Variants in PCDHA1 observed in about 807,000 individuals in gnomAD.
PCDHA1 encodes the protein protocadherin alpha-1.
In PCDHA1, 42 loss-of-function variants were observed where a neutral mutation model predicts 61.3. The ratio of observed to expected loss-of-function variants is 0.69; its 90% CI spans 0.54 to 0.89. PCDHA1 has a LOEUF of 0.89. Ranked by LOEUF, PCDHA1 falls within the 40% of genes least tolerant of loss-of-function variation. PCDHA1 has a pLI of 0.00. For missense variants in PCDHA1, 1,256 were observed against 1,235.3 expected (o/e 1.02, Z -0.25); for synonymous variants, 610 against 553.8 (o/e 1.10, Z -1.43).
intron 1 of PCDHA1, among the ~76,000 whole-genome samples, chr5:140,954,013 C>T (rs942687934): frequency 6.6e-6 from 1 of 152,172 alleles, no homozygotes; most frequent in African/African-American, 2.4e-5. Context: ...TCAGCTCCCA[C>T]ACATAGTGGG....
At chr5:140,788,781 G>A (rs1406462295) in intron 1 of PCDHA1, 97 bp downstream of exon 1, 2 of 1,434,524 alleles carry the variant, frequency 1.4e-6, no homozygotes, top group Non-Finnish European at 1.8e-6. Context: ...TCTTCAAGGT[G>A]TTCACTAACG....
intron 1 of PCDHA1, among the ~76,000 whole-genome samples, chr5:140,960,822 T>C (rs1225829114): frequency 4.6e-5 from 7 of 152,080 alleles, no homozygotes; most frequent in African/African-American, 1.7e-4. Context: ...AAGTGATGAA[T>C]GGAAACTTGG....
chr5:140,926,835 T>C (rs2083586569), intron 1 of PCDHA1: 4 of 1,505,630 alleles, frequency 2.7e-6, no homozygotes, highest in East Asian at 2.3e-5. Context: ...GTCCGGAGCA[T>C]GGTCCTGGGT....
intron 1 of PCDHA1, among the ~76,000 whole-genome samples, chr5:140,837,811 G>A (rs1775265637): frequency 1.3e-5 from 2 of 151,598 alleles, no homozygotes; most frequent in African/African-American, 2.4e-5. Flanking sequence ...GGAGTAGCTG[G>A]GAATACAGTT....
intron 1 of PCDHA1, among the ~76,000 whole-genome samples, chr5:140,793,898 C>G (rs1287541558): frequency 6.6e-6 from 1 of 152,048 alleles, no homozygotes; most frequent in Non-Finnish European, 1.5e-5. Context: ...CATTTGCAAA[C>G]AATTCAAAAA....
At chr5:140,808,136 G>A (rs868911123) in intron 1 of PCDHA1, 1 of 1,614,132 alleles carries the variant, frequency 6.2e-7, no homozygotes, top group East Asian at 2.2e-5. Flanking sequence ...CAAATCCTAT[G>A]AAATTATTGT....
At chr5:140,850,110 G>T in intron 1 of PCDHA1, 1 of 1,596,146 alleles carries the variant, frequency 6.3e-7, no homozygotes, top group South Asian at 1.1e-5. Flanking sequence ...GAGCGCGCGC[G>T]ACGCGGGCGT....
At chr5:140,834,416 C>A (rs2150217412) in intron 1 of PCDHA1, 5 of 1,611,158 alleles carry the variant, frequency 3.1e-6, no homozygotes, top group Admixed American at 1.7e-5. Context: ...ACCCAGGGGG[C>A]CGACATCTAC....
intron 1 of PCDHA1, chr5:140,871,710 C>A: frequency 3.6e-6 from 3 of 826,484 alleles, no homozygotes; most frequent in South Asian, 4.5e-5. Flanking sequence ...AATAAATGTC[C>A]TATTTCTCTT....
chr5:141,010,545 A>G lies in PCDHA1; in HGVS notation c.*608A>G. On this transcript the variant is annotated 3_prime_UTR_variant, in exon 4 of 4. Coordinates refer to ENST00000504120, the MANE Select transcript of PCDHA1 (RefSeq NM_018900.4). ...GGTGGCAGCCACCCTCTAGGAGACAAAACTACCCCCACTGACAAGGCTTTA... is the reference window on the plus strand; with the variant it reads ...GGTGGCAGCCACCCTCTAGGAGACAGAACTACCCCCACTGACAAGGCTTTA... 1 of 343,382 alleles carries G rather than the reference A, an allele frequency of 2.9e-6. No individual in the cohort carries two copies. 21.3% of individuals were successfully genotyped at this position (343,382 alleles called of 1,614,324 possible).
At position 140,882,980 on chromosome 5, in the gene PCDHA1, A is replaced by T. The variant is rs782593392; in HGVS notation, c.2394+94296A>T. On this transcript the variant is annotated intron_variant, in intron 1 of 3. Coordinates refer to ENST00000504120, the MANE Select transcript of PCDHA1 (RefSeq NM_018900.4). ...CATCACGATTCTGGACGTGAATGAC[A>T]ACGCCCCGGAATTTTACCAATCCGT... 34 of 1,614,072 alleles carry T rather than the reference A, an allele frequency of 2.1e-5. No homozygotes were observed. Among genetic ancestry groups the T allele is most frequent in the African/African-American group, 2.7e-5 (2 of 74,926 alleles).
chr5:140,822,181 G>A, intron 1 of PCDHA1: 1 of 1,614,198 alleles, frequency 6.2e-7, no homozygotes, highest in Non-Finnish European at 8.5e-7. Flanking sequence ...CTCCAGACAA[G>A]AACAAAGATT....
chr5:140,822,668 C>T (rs2150118431), intron 1 of PCDHA1: 1 of 1,607,766 alleles, frequency 6.2e-7, no homozygotes, highest in Non-Finnish European at 8.5e-7. Context: ...AATTCTAATA[C>T]TGGTGAAATA....
chr5:140,885,792 C>T (rs2060715375), intron 1 of PCDHA1, among the ~76,000 whole-genome samples: 1 of 151,834 alleles, frequency 6.6e-6, no homozygotes, highest in Non-Finnish European at 1.5e-5. Context: ...AGCATATTGT[C>T]ATATGTATTT....
intron 1 of PCDHA1, among the ~76,000 whole-genome samples, chr5:140,914,495 A>G (rs1469336186): frequency 2.0e-5 from 3 of 152,164 alleles, no homozygotes; most frequent in Non-Finnish European, 4.4e-5. Context: ...CTTGTGGGCA[A>G]CAGATCATTG....
rs76093196 is a variant in PCDHA1, at chr5:140,971,173, C to G, written c.2395-7776C>G. Reference sequence around the variant, plus strand: ...AGGCCAGGCTCAGCTTTGCCACCAGCTGTAAGCCGGAAGCTCAGAGGAAAG... The same window carrying G: ...AGGCCAGGCTCAGCTTTGCCACCAGGTGTAAGCCGGAAGCTCAGAGGAAAG... On this transcript the variant is annotated intron_variant, in intron 1 of 3. Transcript: ENST00000504120. Among the ~76,000 whole-genome samples the G allele has an allele frequency of 3.8e-3, 583 of 152,260 alleles. 1 individual carries two copies. Among genetic ancestry groups the G allele is most frequent in the Non-Finnish European group, 7.2e-3 (492 of 68,018 alleles).
intron 1 of PCDHA1, chr5:140,875,830 G>A (rs782702520): frequency 4.6e-5 from 75 of 1,614,104 alleles, no homozygotes; most frequent in East Asian, 8.9e-5. Flanking sequence ...TTTCCATGTG[G>A]ACGTGGAGGT....
At chr5:140,808,014 A>G in intron 1 of PCDHA1, 1 of 1,613,822 alleles carries the variant, frequency 6.2e-7, no homozygotes, top group Non-Finnish European at 8.5e-7. Context: ...TTGAATGGGG[A>G]CATTGTTTAT....
intron 1 of PCDHA1, chr5:140,853,114 C>G: frequency 6.6e-6 from 3 of 456,918 alleles, no homozygotes; most frequent in Non-Finnish European, 8.8e-6. Flanking sequence ...CTCCTGACCT[C>G]ATGATCCTCC....
Sources: allele counts gnomAD v4.1 joint callset (sites outside exome capture counted in the v4.1 genomes callset), GRCh38; gene constraint gnomAD v4.1.1; transcripts MANE v1.5; gene names NCBI Gene and HGNC (gene_info 2026-07-23, HGNC 2026-07-21).